Variants in FANCD2 observed in about 807,000 individuals in gnomAD.
FANCD2 encodes the protein FA complementation group D2.
A neutral mutation model predicts 192.3 loss-of-function variants in FANCD2; 131 were observed. The ratio of observed to expected loss-of-function variants is 0.68; its 90% confidence interval spans 0.59 to 0.79. The LOEUF (loss-of-function observed/expected upper bound fraction) is 0.79. Ranked by LOEUF, FANCD2 falls within the 30% of genes least tolerant of loss-of-function variation. The pLI is 0.00. For missense variants in FANCD2, 1,508 were observed against 1,701.6 expected, an observed-to-expected ratio of 0.89 and a Z score of 2.00; for synonymous variants, 524 against 612.5, an observed-to-expected ratio of 0.86 and a Z score of 2.13.
intron 2 of FANCD2, among the ~76,000 whole-genome samples, chr3:10,031,728 T>A (rs1190056207): frequency 6.6e-6 from 1 of 152,156 alleles, no homozygotes; most frequent in Non-Finnish European, 1.5e-5. Context: ...TTTATTCAGA[T>A]CATTGAGTCT....
At chr3:10,087,010 A>C in intron 33 of FANCD2, 124 bp from the exon 34 acceptor site, 2 of 1,055,632 alleles carry the variant, frequency 1.9e-6, no homozygotes, top group Non-Finnish European at 2.9e-6. Context: ...GCACCTGAAA[A>C]TAAGGAGGAT....
At chr3:10,099,208 A>T in intron 43 of FANCD2, 1 of 1,370,446 alleles carries the variant, frequency 7.3e-7, no homozygotes, top group Non-Finnish European at 9.4e-7. Context: ...ATGTGAAAGC[A>T]TTTGGTGAAA....
At chr3:10,066,129 T>G in intron 25 of FANCD2, 150 bp downstream of exon 25, 3 of 663,750 alleles carry the variant, frequency 4.5e-6, no homozygotes, top group Non-Finnish European at 8.3e-6. Context: ...TCCCCAGTTA[T>G]ATGAACCTCC....
chr3:10,031,339 TA>T (rs1275327856), intron 2 of FANCD2, among the ~76,000 whole-genome samples: 1 of 151,928 alleles, frequency 6.6e-6, no homozygotes, highest in East Asian at 1.9e-4. Context: ...CCGTCTCTAC[TA>T]AAAATACAAA....
chr3:10,087,300 T>A (rs80319361), intron 34 of FANCD2, 36 bp downstream of exon 34: 33 of 1,437,616 alleles, frequency 2.3e-5, no homozygotes, highest in Non-Finnish European at 2.6e-5. Context: ...TTTTTTTTTT[T>A]AATGAATAGG....
chr3:10,098,178 A>C (rs531018822), intron 42 of FANCD2, among the ~76,000 whole-genome samples: 7 of 152,226 alleles, frequency 4.6e-5, no homozygotes. Flanking sequence ...CTTCACATCA[A>C]CCTTATGAGG....
chr3:10,090,376 C>A lies in FANCD2; in HGVS notation c.3768C>A (p.Asp1256Glu). Residue 1256 changes from aspartate to glutamate, a missense_variant, in exon 37 of 44, where the codon GAC becomes GAA. By Grantham distance (45) the Asp-to-Glu change is conservative (BLOSUM62 2). This residue lies in a region of FANCD2 where 796 missense variants were observed against 879.4 expected (regional missense o/e 0.91). Coordinates refer to ENST00000675286, the MANE Select transcript of FANCD2 (RefSeq NM_001018115.3). ...VKKIEPGTAA[D>E]SQQIHEEKLL... Reference sequence around the variant, plus strand: ...AAATTGAGCCTGGCACAGCAGCAGACTCGCAGCAGGTGAGTAAGATAATAG... The same window carrying A: ...AAATTGAGCCTGGCACAGCAGCAGAATCGCAGCAGGTGAGTAAGATAATAG... 1.9e-6 allele frequency: 3 copies of A among 1,607,128 alleles called. No individual in the cohort carries two copies. Among genetic ancestry groups the A allele is most frequent in the Non-Finnish European group, 2.5e-6 (3 of 1,176,796 alleles).
intron 16 of FANCD2, among the ~76,000 whole-genome samples, chr3:10,048,571 C>T (rs1441991036): frequency 6.6e-6 from 1 of 152,186 alleles, no homozygotes; most frequent in Non-Finnish European, 1.5e-5. Context: ...TCTCAAAGTG[C>T]TGGGATTATA....
At chr3:10,083,213 C>T (rs892940086) in intron 32 of FANCD2, among the ~76,000 whole-genome samples, 1 of 151,610 alleles carries the variant, frequency 6.6e-6, no homozygotes, top group Non-Finnish European at 1.5e-5. Context: ...GGCAACAGAA[C>T]CAGACCCCAT....
rs879221957 is a variant in FANCD2, at chr3:10,034,324, C to CAAAAAA, written c.206-129_206-124dup. 519 of 417,642 alleles carry CAAAAAA rather than the reference C, an allele frequency of 1.2e-3. 1 individual carries two copies. Among genetic ancestry groups the CAAAAAA allele is most frequent in the African/African-American group, 3.0e-3 (70 of 23,370 alleles). 25.9% of individuals were successfully genotyped at this position (417,642 alleles called of 1,614,324 possible). On this transcript the variant is annotated intron_variant, in intron 3 of 43. Coordinates refer to ENST00000675286, the MANE Select transcript of FANCD2 (RefSeq NM_001018115.3). ...TAGGCAACAGAACAAAACTCCATCTCAAAAAAAAAAAAAAAAAAAAAGATT... is the reference window on the plus strand; with the variant it reads ...TAGGCAACAGAACAAAACTCCATCTCAAAAAAAAAAAAAAAAAAAAAAAAAAAGATT...
intron 39 of FANCD2, among the ~76,000 whole-genome samples, chr3:10,093,892 C>T (rs1208296852): frequency 6.6e-6 from 1 of 152,124 alleles, no homozygotes; most frequent in African/African-American, 2.4e-5. Context: ...GGGAGATGGG[C>T]AAGTTGGAGA....
intron 23 of FANCD2, 73 bp downstream of exon 23, chr3:10,064,948 G>A: frequency 6.6e-7 from 1 of 1,518,134 alleles, no homozygotes; most frequent in South Asian, 1.1e-5. Flanking sequence ...GCTCTTGGTG[G>A]GGAAGTTGAG....
Position 10,078,644 on chromosome 3 carries a change from G to A in FANCD2, c.2976+447G>A, listed in dbSNP as rs994635847. 6.1e-5 allele frequency among the ~76,000 whole-genome samples: 9 copies of A among 147,596 alleles called. No individual in the cohort carries two copies. The South Asian group carries it at 7.4e-4, about 12-fold the overall frequency. On this transcript the variant is annotated intron_variant, in intron 30 of 43. Coordinates refer to ENST00000675286, the MANE Select transcript of FANCD2 (RefSeq NM_001018115.3). ...GCTGGGATTACGGGCATGAGCCACC[G>A]CGCCCGGCCTCATCTTGCTTTAAAT...
intron 26 of FANCD2, among the ~76,000 whole-genome samples, chr3:10,069,608 C>T (rs929511059): frequency 6.6e-5 from 10 of 151,636 alleles, no homozygotes; most frequent in South Asian, 2.1e-4. Flanking sequence ...ATTGCAGGCG[C>T]GCGCCGCCAC....
chr3:10,039,507 A>C lies in FANCD2; in HGVS notation c.570+150A>C. ...AATTTTCATAATTTGAGAATCATAG[A>C]TACTTCACCCTTTAAATTTCAGAAA... is the stretch of plus-strand genomic sequence containing the variant. On this transcript the variant is annotated intron_variant, in intron 8 of 43. Coordinates refer to ENST00000675286, the MANE Select transcript of FANCD2 (RefSeq NM_001018115.3). The C allele has an allele frequency of 3.3e-6, 3 of 897,040 alleles. No homozygotes were observed. The East Asian group carries it at 8.0e-5, about 24-fold the overall frequency. The allele number at this position is 897,040 out of a possible 1,614,324, so 55.6% of individuals were successfully genotyped here.
rs758652840 is a variant in FANCD2 at position 10,101,488 on chromosome 3, C to A, written c.*226C>A. On this transcript the variant is annotated 3_prime_UTR_variant, in exon 44 of 44. Transcript: ENST00000675286. ...GCAACCTCCATCTCCTAGGTTCAAG[C>A]GATTCTCCTGCCTCAGCCTCCTGAG... The A allele has an allele frequency of 8.1e-6, 4 of 492,350 alleles. No individual in the cohort carries two copies. The highest frequency in any genetic ancestry group is 1.5e-5 in the Non-Finnish European group (4 of 271,424). The allele number at this position is 492,350 out of a possible 1,614,324, so 30.5% of individuals were successfully genotyped here.
At chr3:10,027,832 G>C (rs1428262693) in intron 1 of FANCD2, among the ~76,000 whole-genome samples, 1 of 150,300 alleles carries the variant, frequency 6.7e-6, no homozygotes, top group Non-Finnish European at 1.5e-5. Context: ...GTGAACCCGG[G>C]AGGTGGAGCT....
At chr3:10,042,493 C>G in intron 10 of FANCD2, 66 bp from the exon 11 acceptor site, 1 of 1,192,542 alleles carries the variant, frequency 8.4e-7, no homozygotes, top group Non-Finnish European at 1.3e-6. Context: ...TTTTATCTAA[C>G]AGTTCAGTAC....
At chr3:10,051,709 C>G (rs1290664888) in intron 17 of FANCD2, among the ~76,000 whole-genome samples, 1 of 151,942 alleles carries the variant, frequency 6.6e-6, no homozygotes, top group African/African-American at 2.4e-5. Context: ...AGAAAGGATT[C>G]AATAGAGAGG....
Sources: gnomAD v4.1 joint callset for allele counts (sites outside exome capture counted in the v4.1 genomes callset) on GRCh38, gnomAD v4.1.1 for gene constraint, gnomAD v4.1.1 regional missense constraint, MANE v1.5 for transcripts, NCBI Gene and HGNC (gene_info 2026-07-23, HGNC 2026-07-21) for gene names.